Variants in SORCS3 observed in about 807,000 individuals in gnomAD.
The protein encoded by SORCS3 is VPS10 domain-containing receptor SorCS3.
A neutral mutation model predicts 146.3 loss-of-function variants in SORCS3; 57 were observed. The ratio of observed to expected loss-of-function variants is 0.39; its 90% confidence interval spans 0.31 to 0.49. The LOEUF is 0.49. SORCS3 is among the 20% of genes least tolerant of loss of function. SORCS3 has a pLI of 0.92. For synonymous variants in SORCS3, 653 were observed against 618.5 expected (o/e 1.06, Z -0.83); for missense variants, 1,341 against 1,575.5 (o/e 0.85, Z 2.52).
intron 3 of SORCS3, among the ~76,000 whole-genome samples, chr10:104,976,719 A>G (rs1157626149): frequency 2.6e-5 from 4 of 152,270 alleles, no homozygotes; most frequent in South Asian, 2.1e-4. Flanking sequence ...ACCATGGAAT[A>G]CTATGCAGCC....
chr10:104,794,474 T>G (rs1478806857), intron 1 of SORCS3, among the ~76,000 whole-genome samples: 1 of 151,156 alleles, frequency 6.6e-6, no homozygotes, highest in Non-Finnish European at 1.5e-5. Context: ...GAGCAGAGAG[T>G]GTTTCAGGAT....
At chr10:104,864,230 T>G (rs1374439092) in intron 2 of SORCS3, among the ~76,000 whole-genome samples, 1 of 152,156 alleles carries the variant, frequency 6.6e-6, no homozygotes, top group Non-Finnish European at 1.5e-5. Context: ...TTGTTAAATG[T>G]TTATAAAAGC....
At chr10:104,999,188 G>A (rs1276705702) in intron 4 of SORCS3, among the ~76,000 whole-genome samples, 1 of 151,932 alleles carries the variant, frequency 6.6e-6, no homozygotes, top group Non-Finnish European at 1.5e-5. Flanking sequence ...TATTTTATAT[G>A]CTCTCATTGG....
At chr10:104,819,324 A>C (rs965090255) in intron 1 of SORCS3, among the ~76,000 whole-genome samples, 1 of 152,096 alleles carries the variant, frequency 6.6e-6, no homozygotes, top group Non-Finnish European at 1.5e-5. Context: ...TGTGAGTCAC[A>C]CTTTGACAGA....
intron 1 of SORCS3, among the ~76,000 whole-genome samples, chr10:104,725,874 CA>C (rs796439247): frequency 6.6e-6 from 1 of 152,318 alleles, no homozygotes; most frequent in African/African-American, 2.4e-5. Flanking sequence ...TGCTGTCTGT[CA>C]CCCGTTTCTT....
intron 1 of SORCS3, among the ~76,000 whole-genome samples, chr10:104,771,377 T>A (rs1289153275): frequency 6.6e-6 from 1 of 152,214 alleles, no homozygotes; most frequent in East Asian, 1.9e-4. Flanking sequence ...TGGGCCCCTG[T>A]GTGCAAGAGT....
intron 1 of SORCS3, among the ~76,000 whole-genome samples, chr10:104,774,556 G>A (rs1190189269): frequency 6.6e-6 from 1 of 152,174 alleles, no homozygotes; most frequent in African/African-American, 2.4e-5. Context: ...TTGTTGAGAT[G>A]ACATGGCAGC....
chr10:104,958,414 A>G (rs2133632667), intron 3 of SORCS3, among the ~76,000 whole-genome samples: 1 of 152,328 alleles, frequency 6.6e-6, no homozygotes, highest in Admixed American at 6.5e-5. Flanking sequence ...ATGTTCAGTT[A>G]TATGGCAAGA....
chr10:104,720,190 T>C (rs1373671560), intron 1 of SORCS3, among the ~76,000 whole-genome samples: 1 of 151,920 alleles, frequency 6.6e-6, no homozygotes, highest in Admixed American at 6.6e-5. Flanking sequence ...TGTGTTCTCA[T>C]TGTTCAGTTC....
chr10:104,887,748 C>T (rs1405980280), intron 2 of SORCS3, among the ~76,000 whole-genome samples: 1 of 152,142 alleles, frequency 6.6e-6, no homozygotes, highest in Non-Finnish European at 1.5e-5. Flanking sequence ...GATAGTTGTG[C>T]TCACTTATTC....
At chr10:105,163,523 G>T (rs2056284472) in intron 11 of SORCS3, among the ~76,000 whole-genome samples, 1 of 152,170 alleles carries the variant, frequency 6.6e-6, no homozygotes, top group African/African-American at 2.4e-5. Flanking sequence ...CTTTTAGGCT[G>T]TGAGAAGAGG....
intron 20 of SORCS3, among the ~76,000 whole-genome samples, chr10:105,241,031 G>A (rs2056819508): frequency 1.3e-5 from 2 of 151,410 alleles, no homozygotes; most frequent in Non-Finnish European, 2.9e-5. Context: ...GAATTCCTGG[G>A]CTGTTTCCTA....
chr10:105,170,036 G>A (rs2056346469), intron 13 of SORCS3, among the ~76,000 whole-genome samples: 1 of 152,102 alleles, frequency 6.6e-6, no homozygotes, highest in Admixed American at 6.6e-5. Flanking sequence ...AAAGCATTCT[G>A]CAGAAGTTTC....
chr10:105,024,781 A>C (rs2055216624), intron 4 of SORCS3, among the ~76,000 whole-genome samples: 1 of 152,156 alleles, frequency 6.6e-6, no homozygotes, highest in African/African-American at 2.4e-5. Flanking sequence ...TGCACCAACT[A>C]CCTGCCTAAG....
chr10:105,190,608 T>C (rs1589680781), intron 14 of SORCS3, among the ~76,000 whole-genome samples: 1 of 152,126 alleles, frequency 6.6e-6, no homozygotes, highest in East Asian at 1.9e-4. Context: ...TTCACCATAT[T>C]GGTCAGGATA....
At chr10:104,887,730 C>G (rs1285565750) in intron 2 of SORCS3, among the ~76,000 whole-genome samples, 1 of 152,098 alleles carries the variant, frequency 6.6e-6, no homozygotes, top group East Asian at 1.9e-4. Context: ...TCAGCTACTA[C>G]CACTTCTGAT....
chr10:104,708,802 C>T (rs1160618781), intron 1 of SORCS3, among the ~76,000 whole-genome samples: 1 of 152,194 alleles, frequency 6.6e-6, no homozygotes, highest in Non-Finnish European at 1.5e-5. Context: ...GCACTGGGTG[C>T]CTTTGCCAGC....
chr10:105,176,831 G>A (rs969369021), intron 13 of SORCS3, among the ~76,000 whole-genome samples: 1 of 151,682 alleles, frequency 6.6e-6, no homozygotes, highest in African/African-American at 2.4e-5. Context: ...CTCCAGCCTG[G>A]CAACGGAGTG....
intron 1 of SORCS3, among the ~76,000 whole-genome samples, chr10:104,800,440 C>T (rs552406499): frequency 2.5e-4 from 38 of 152,202 alleles, no homozygotes; most frequent in Non-Finnish European, 4.9e-4. Context: ...CAAAAGAATG[C>T]ACACCTCTAA....
Sources: gnomAD v4.1 joint callset for allele counts (sites outside exome capture counted in the v4.1 genomes callset) on GRCh38, gnomAD v4.1.1 for gene constraint, MANE v1.5 for transcripts, NCBI Gene and HGNC (gene_info 2026-07-23, HGNC 2026-07-21) for gene names.